Variants in SLC12A8 observed in about 807,000 individuals in gnomAD.
SLC12A8 encodes cation-chloride cotransporter 9.
Under a neutral mutation model 75.6 loss-of-function variants are expected in SLC12A8, and 69 were observed. That is an observed-to-expected ratio of 0.91 (90% CI 0.75 to 1.11). SLC12A8 has a LOEUF of 1.11. Among genes scored for constraint, SLC12A8 ranks in the 50% most tolerant of loss-of-function variants. The pLI is 0.00. For missense variants in SLC12A8, 877 were observed against 896.7 expected (o/e 0.98, Z 0.28); for synonymous variants, 365 against 372.8 (o/e 0.98, Z 0.24).
intron 5 of SLC12A8, among the ~76,000 whole-genome samples, chr3:125,157,344 C>T (rs934965961): frequency 8.5e-5 from 13 of 152,086 alleles, no homozygotes; most frequent in East Asian, 1.9e-4. Flanking sequence ...GGCCATGTTC[C>T]GATAAACCTG....
intron 4 of SLC12A8, among the ~76,000 whole-genome samples, chr3:125,186,481 C>T (rs1694483467): frequency 1.3e-5 from 2 of 152,220 alleles, no homozygotes; most frequent in Non-Finnish European, 2.9e-5. Context: ...CTAACTTAGA[C>T]AAATTCTTCT....
intron 2 of SLC12A8, among the ~76,000 whole-genome samples, chr3:125,208,704 T>C (rs189193373): frequency 6.7e-6 from 1 of 148,380 alleles, no homozygotes; most frequent in Admixed American, 6.8e-5. Flanking sequence ...AACACTCAGA[T>C]CTACAGCTCC....
intron 5 of SLC12A8, chr3:125,155,038 T>C (rs2107774070): frequency 6.6e-6 from 1 of 152,294 alleles, no homozygotes; most frequent in Non-Finnish European, 1.5e-5. Flanking sequence ...AGGGTTCATG[T>C]CCCGGGTGAG....
intron 2 of SLC12A8, among the ~76,000 whole-genome samples, chr3:125,199,210 GT>G (rs1358240852): frequency 6.6e-6 from 1 of 152,152 alleles, no homozygotes; most frequent in Non-Finnish European, 1.5e-5. Context: ...TCTGCAAATT[GT>G]TTTTATATGG....
chr3:125,086,627 C>T (rs1390494278), intron 13 of SLC12A8, among the ~76,000 whole-genome samples: 2 of 152,250 alleles, frequency 1.3e-5, no homozygotes, highest in Non-Finnish European at 2.9e-5. Flanking sequence ...AAACTCTACT[C>T]TTTCTCAGGA....
At chr3:125,146,833 G>A (rs113892828) in intron 5 of SLC12A8, among the ~76,000 whole-genome samples, 2,086 of 152,336 alleles carry the variant, frequency 0.014, 54 homozygotes, top group African/African-American at 0.048. Flanking sequence ...TAGAGACAAG[G>A]TCTCTGTTTG....
At chr3:125,085,454 A>G (rs1265630773) in intron 13 of SLC12A8, among the ~76,000 whole-genome samples, 2 of 152,188 alleles carry the variant, frequency 1.3e-5, no homozygotes, top group African/African-American at 4.8e-5. Context: ...CTGCCAAAAC[A>G]CACCCTACAT....
chr3:125,152,626 G>A (rs1933955214), intron 5 of SLC12A8, among the ~76,000 whole-genome samples: 1 of 152,066 alleles, frequency 6.6e-6, no homozygotes, highest in East Asian at 1.9e-4. Context: ...GGGAGAGAGA[G>A]AAGGAACCAC....
chr3:125,143,576 G>A (rs1398139126), intron 5 of SLC12A8, among the ~76,000 whole-genome samples: 6 of 152,362 alleles, frequency 3.9e-5, no homozygotes, highest in African/African-American at 7.2e-5. Context: ...GGGAGGGCTG[G>A]GCATTCCAAC....
At chr3:125,119,804 G>A (rs999611383) in intron 7 of SLC12A8, 6 of 455,102 alleles carry the variant, frequency 1.3e-5, no homozygotes, top group South Asian at 9.3e-5. Context: ...AATAACACAG[G>A]CCCTTTTAAC....
chr3:125,160,206 A>G (rs1379184944), intron 5 of SLC12A8, among the ~76,000 whole-genome samples: 2 of 152,142 alleles, frequency 1.3e-5, no homozygotes, highest in African/African-American at 4.8e-5. Flanking sequence ...AGCCTCCCAA[A>G]GTGCTGGGAT....
At chr3:125,160,286 C>T (rs1250491069) in intron 5 of SLC12A8, among the ~76,000 whole-genome samples, 1 of 152,218 alleles carries the variant, frequency 6.6e-6, no homozygotes, top group Non-Finnish European at 1.5e-5. Context: ...GAGGTACTCA[C>T]CTCTCACCAC....
chr3:125,164,776 C>A (rs1001971138), intron 5 of SLC12A8, among the ~76,000 whole-genome samples: 1 of 152,236 alleles, frequency 6.6e-6, no homozygotes, highest in Non-Finnish European at 1.5e-5. Flanking sequence ...GGTTCTCAAC[C>A]CTGGCTGCAC....
At chr3:125,115,518 C>T (rs1939288757) in intron 8 of SLC12A8, among the ~76,000 whole-genome samples, 1 of 151,042 alleles carries the variant, frequency 6.6e-6, no homozygotes, top group Admixed American at 6.6e-5. Context: ...AGCAAAACTC[C>T]ATCTCAAGAA....
chr3:125,094,244 T>C (rs1349195934), intron 10 of SLC12A8, among the ~76,000 whole-genome samples: 1 of 152,180 alleles, frequency 6.6e-6, no homozygotes, highest in Non-Finnish European at 1.5e-5. Context: ...GACCTTTAGA[T>C]AGTTTGCCTT....
chr3:125,094,670 G>C (rs1403205796), intron 10 of SLC12A8, among the ~76,000 whole-genome samples: 1 of 152,070 alleles, frequency 6.6e-6, no homozygotes, highest in Non-Finnish European at 1.5e-5. Flanking sequence ...CTAAACAAAT[G>C]TCTACAGCTC....
intron 5 of SLC12A8, among the ~76,000 whole-genome samples, chr3:125,149,223 G>A (rs1245519710): frequency 6.6e-6 from 1 of 152,208 alleles, no homozygotes; most frequent in East Asian, 1.9e-4. Flanking sequence ...GCGCTCGCTC[G>A]CACTTCCTTC....
At chr3:125,130,573 C>G (rs1431254815) in intron 6 of SLC12A8, among the ~76,000 whole-genome samples, 1 of 147,918 alleles carries the variant, frequency 6.8e-6, no homozygotes. Context: ...GCCTGGGTGA[C>G]AGAGCGAGAC....
At chr3:125,191,600 G>A (rs1409121539) in intron 2 of SLC12A8, among the ~76,000 whole-genome samples, 1 of 152,226 alleles carries the variant, frequency 6.6e-6, no homozygotes, top group African/African-American at 2.4e-5. Context: ...GAAAAATCAA[G>A]AGTTTAGGGA....
Sources: allele counts gnomAD v4.1 joint callset (sites outside exome capture counted in the v4.1 genomes callset), GRCh38; gene constraint gnomAD v4.1.1; transcripts MANE v1.5; gene names NCBI Gene and HGNC (gene_info 2026-07-23, HGNC 2026-07-21).